The following HMCN1 variants were observed in gnomAD, a reference collection of about 807,000 sequenced individuals.
HMCN1 encodes the protein hemicentin-1.
In HMCN1, 321 loss-of-function variants were observed where a neutral mutation model predicts 625.9. The ratio of observed to expected loss-of-function variants is 0.51; its 90% CI spans 0.47 to 0.56. The LOEUF (loss-of-function observed/expected upper bound fraction) is 0.56. Ranked by LOEUF, HMCN1 falls within the 20% of genes least tolerant of loss-of-function variation. The pLI, the probability that HMCN1 is intolerant of heterozygous loss-of-function variation, is 0.00. For synonymous variants in HMCN1, 2,425 were observed against 2,417.6 expected (o/e 1.00, Z -0.09); for missense variants, 6,588 against 6,887.3 (o/e 0.96, Z 1.54).
At chr1:185,885,872 T>G (rs1168023788) in intron 4 of HMCN1, among the ~76,000 whole-genome samples, 3 of 152,086 alleles carry the variant, frequency 2.0e-5, no homozygotes, top group South Asian at 2.1e-4. Flanking sequence ...AATACTGTGC[T>G]TTTCATAGTA....
Position 186,125,708 on chromosome 1 carries a change from T to G in HMCN1, c.12604T>G (p.Trp4202Gly). The G allele has an allele frequency of 6.2e-7, 1 of 1,613,258 alleles. No homozygotes were observed. The highest frequency in any genetic ancestry group is 8.5e-7 in the Non-Finnish European group (1 of 1,179,392). The change falls in exon 82 of 107, where the codon TGG becomes GGG. Residue 4202 changes from tryptophan to glycine, a missense_variant. By Grantham distance (184) the Trp-to-Gly change is radical. This residue lies in a region of HMCN1 where 1,954 missense variants were observed against 2,013.1 expected (regional missense o/e 0.97). Coordinates refer to ENST00000271588, the MANE Select transcript of HMCN1 (RefSeq NM_031935.3). ...ADGIPTPAIN[W>G]KKDNVLLANL... ...TGGAATCCCCACACCAGCAATTAAC[T>G]GGAAAAAAGACAATGTTCTTTTAGC...
At chr1:186,041,995 T>G (rs546369464) in intron 40 of HMCN1, among the ~76,000 whole-genome samples, 5 of 152,204 alleles carry the variant, frequency 3.3e-5, no homozygotes, top group Non-Finnish European at 4.4e-5. Context: ...CTTATAAGTT[T>G]GCCAATGTAA....
chr1:185,843,344 G>A (rs1661608499), intron 1 of HMCN1, among the ~76,000 whole-genome samples: 1 of 152,172 alleles, frequency 6.6e-6, no homozygotes, highest in Non-Finnish European at 1.5e-5. Context: ...AAGGGGGACA[G>A]TGATGGGAAT....
intron 4 of HMCN1, among the ~76,000 whole-genome samples, chr1:185,875,766 T>C (rs1663890061): frequency 6.6e-6 from 1 of 152,120 alleles, no homozygotes; most frequent in African/African-American, 2.4e-5. Context: ...GTACTTACTC[T>C]ATCTCTTGAT....
chr1:185,796,468 TCCCTATGTCCATGCGTACACATTATTTAG>T (rs1658382548), intron 1 of HMCN1, among the ~76,000 whole-genome samples: 1 of 152,194 alleles, frequency 6.6e-6, no homozygotes. Context: ...ATTATTCCAC[TCCCTATGTCCATGCGTACACATTATTTAG>T]CTTCCGCTTA....
chr1:185,837,624 C>T (rs187197609), intron 1 of HMCN1, among the ~76,000 whole-genome samples: 3 of 151,722 alleles, frequency 2.0e-5, no homozygotes, highest in East Asian at 1.9e-4. Flanking sequence ...ATTTTTATAT[C>T]GATCTGATAT....
chr1:185,834,603 T>A (rs746586426), intron 1 of HMCN1, among the ~76,000 whole-genome samples: 2 of 152,212 alleles, frequency 1.3e-5, no homozygotes, highest in Non-Finnish European at 2.9e-5. Context: ...GGTCTCTTTA[T>A]AACTTAATCT....
At chr1:185,966,722 C>T (rs1650430872) in intron 14 of HMCN1, among the ~76,000 whole-genome samples, 1 of 152,258 alleles carries the variant, frequency 6.6e-6, no homozygotes, top group African/African-American at 2.4e-5. Flanking sequence ...TAGTACAAAG[C>T]ACTATTGTTA....
chr1:185,999,885 T>C (rs1019859953), intron 25 of HMCN1, among the ~76,000 whole-genome samples, 160 bp from the exon 26 acceptor site: 1 of 152,272 alleles, frequency 6.6e-6, no homozygotes, highest in East Asian at 1.9e-4. Flanking sequence ...TAACATAATC[T>C]TCATATTTCC....
In HMCN1 at chr1:186,042,685, A is replaced by G. The variant is rs545430842; in HGVS notation, c.6304+1549A>G. On this transcript the variant is annotated intron_variant, in intron 40 of 106. Coordinates refer to ENST00000271588, the MANE Select transcript of HMCN1 (RefSeq NM_031935.3). The stretch of plus-strand genomic sequence containing the variant: ...TATATATGTTTAACCATTGAAATAT[A>G]CATGCAGCAAGCTGCTGAAAAAGTG... Among the ~76,000 whole-genome samples, 3 of 152,348 alleles carry G rather than the reference A, an allele frequency of 2.0e-5. No individual in the cohort carries two copies. The East Asian group carries it at 5.8e-4, about 29-fold the overall frequency.
chr1:186,103,058 A>G (rs2102443042), intron 68 of HMCN1, among the ~76,000 whole-genome samples: 1 of 152,314 alleles, frequency 6.6e-6, no homozygotes, highest in East Asian at 1.9e-4. Flanking sequence ...GCAAAATTCC[A>G]CAGTATTCAC....
intron 103 of HMCN1, among the ~76,000 whole-genome samples, chr1:186,175,910 A>AG (rs892691987): frequency 9.2e-5 from 14 of 151,428 alleles, no homozygotes; most frequent in African/African-American, 3.4e-4. Flanking sequence ...AGAAAAGAAA[A>AG]GAAAGAAAGA....
chr1:185,950,786 C>T (rs12562158), intron 11 of HMCN1, among the ~76,000 whole-genome samples: 1,714 of 133,832 alleles, frequency 0.013, 11 homozygotes, highest in African/African-American at 0.041. Flanking sequence ...GTTTGAGATC[C>T]AGAACAGAAT....
At chr1:185,745,251 A>G (rs1654309795) in intron 1 of HMCN1, among the ~76,000 whole-genome samples, 1 of 152,088 alleles carries the variant, frequency 6.6e-6, no homozygotes. Context: ...AAAGAGAGTC[A>G]CAGAAACAGA....
chr1:186,045,737 C>A lies in HMCN1; in HGVS notation c.6354C>A (p.Ser2118Arg). The part of the protein sequence containing the change: ...GEEQNVSVLI[S>R]QAVELLCQSD... ...AACAGAATGTCTCTGTCCTCATTAG[C>A]CAAGCTGTGGAATTACTATGTCAAA... Residue 2118 changes from serine to arginine, a missense_variant, in exon 41 of 107, where the codon AGC becomes AGA. Coordinates refer to ENST00000271588, the MANE Select transcript of HMCN1 (RefSeq NM_031935.3). 6.2e-7 allele frequency: 1 copy of A among 1,613,260 alleles called. No homozygotes were observed.
chr1:185,790,090 A>G (rs1322161731), intron 1 of HMCN1, among the ~76,000 whole-genome samples: 2 of 152,186 alleles, frequency 1.3e-5, no homozygotes, highest in Non-Finnish European at 2.9e-5. Flanking sequence ...CACACACCCT[A>G]CTTAGTGCAA....
At chr1:186,014,231 A>G (rs567531727) in intron 30 of HMCN1, among the ~76,000 whole-genome samples, 2 of 152,104 alleles carry the variant, frequency 1.3e-5, no homozygotes, top group African/African-American at 4.8e-5. Flanking sequence ...AAAACATTCT[A>G]TCAAATATTC....
chr1:185,793,128 T>C (rs1658115648), intron 1 of HMCN1, among the ~76,000 whole-genome samples: 2 of 152,230 alleles, frequency 1.3e-5, no homozygotes, highest in South Asian at 4.1e-4. Flanking sequence ...TTTACAGTTC[T>C]TGACATAGTG....
chr1:185,960,391 A>C (rs888715522), intron 11 of HMCN1, among the ~76,000 whole-genome samples: 8 of 152,024 alleles, frequency 5.3e-5, no homozygotes, highest in Admixed American at 3.3e-4. Flanking sequence ...AGCCTCCCAA[A>C]GTGTTGGGAT....
Sources: allele counts gnomAD v4.1 joint callset (sites outside exome capture counted in the v4.1 genomes callset), GRCh38; gene constraint gnomAD v4.1.1; regional missense constraint gnomAD v4.1.1; transcripts MANE v1.5; gene names NCBI Gene and HGNC (gene_info 2026-07-23, HGNC 2026-07-21).